The following CDH4 variants were observed in gnomAD, a reference collection of about 807,000 sequenced individuals.
CDH4 encodes cadherin-4.
A neutral mutation model predicts 86.0 loss-of-function variants in CDH4; 33 were observed. That is an observed-to-expected ratio of 0.38 (90% CI 0.29 to 0.51). CDH4 has a LOEUF of 0.51. CDH4 is among the 20% of genes least tolerant of loss of function. The pLI, the probability that CDH4 is intolerant of heterozygous loss-of-function variation, is 0.86. For missense variants in CDH4, 1,114 were observed against 1,307.4 expected (o/e 0.85, Z 2.28); for synonymous variants, 555 against 549.4 (o/e 1.01, Z -0.14).
chr20:61,418,576 A>G (rs573770730), intron 2 of CDH4, among the ~76,000 whole-genome samples: 5 of 152,110 alleles, frequency 3.3e-5, no homozygotes, highest in South Asian at 2.1e-4. Flanking sequence ...CTGATTTCCT[A>G]TCTATCAGAT....
intron 2 of CDH4, among the ~76,000 whole-genome samples, chr20:61,739,531 G>C (rs2088307773): frequency 6.6e-6 from 1 of 152,238 alleles, no homozygotes; most frequent in South Asian, 2.1e-4. Flanking sequence ...TTCCATGGGA[G>C]CCAACATCCC....
chr20:61,550,162 C>T (rs1301928134), intron 2 of CDH4, among the ~76,000 whole-genome samples: 11 of 148,332 alleles, frequency 7.4e-5, no homozygotes, highest in Admixed American at 7.4e-4. Flanking sequence ...GCCTCCCTGC[C>T]CCAACCTCAC....
At chr20:61,710,139 C>T (rs1028756755) in intron 2 of CDH4, among the ~76,000 whole-genome samples, 1 of 152,132 alleles carries the variant, frequency 6.6e-6, no homozygotes, top group Non-Finnish European at 1.5e-5. Context: ...CTGCATAGCC[C>T]TAGGCACTAT....
At chr20:61,323,085 G>C (rs1372377593) in intron 2 of CDH4, among the ~76,000 whole-genome samples, 1 of 152,118 alleles carries the variant, frequency 6.6e-6, no homozygotes, top group Admixed American at 6.6e-5. Context: ...TATACCCCTC[G>C]CCTCTCCAAA....
intron 2 of CDH4, among the ~76,000 whole-genome samples, chr20:61,658,932 G>T (rs1600848324): frequency 6.6e-6 from 1 of 152,232 alleles, no homozygotes; most frequent in East Asian, 1.9e-4. Flanking sequence ...TGAACCCTTA[G>T]ATCTCCCTAC....
intron 2 of CDH4, among the ~76,000 whole-genome samples, chr20:61,598,465 T>C (rs2086573287): frequency 6.6e-6 from 1 of 151,992 alleles, no homozygotes; most frequent in Admixed American, 6.5e-5. Context: ...CTGCTATCTG[T>C]GGCCTCAGCA....
At chr20:61,667,091 G>A (rs2087334250) in intron 2 of CDH4, among the ~76,000 whole-genome samples, 1 of 152,252 alleles carries the variant, frequency 6.6e-6, no homozygotes. Context: ...CAGGGTCCCT[G>A]TGGATGTGCT....
intron 2 of CDH4, among the ~76,000 whole-genome samples, chr20:61,656,094 T>C (rs996625738): frequency 6.6e-6 from 1 of 152,130 alleles, no homozygotes; most frequent in Admixed American, 6.5e-5. Flanking sequence ...GTGGATGACA[T>C]GAAGGTGGTT....
intron 2 of CDH4, among the ~76,000 whole-genome samples, chr20:61,680,203 C>A (rs541060684): frequency 6.6e-6 from 1 of 152,198 alleles, no homozygotes; most frequent in Non-Finnish European, 1.5e-5. Flanking sequence ...CCACCCCCTG[C>A]CCCTGTCCTC....
At chr20:61,491,988 G>C (rs11696692) in intron 2 of CDH4, among the ~76,000 whole-genome samples, 51,593 of 151,712 alleles carry the variant, frequency 0.34, 10,668 homozygotes, top group Admixed American at 0.48. Context: ...TATTGTTGAT[G>C]TTGGTGGTGT....
At chr20:61,677,948 T>C (rs916790305) in intron 2 of CDH4, among the ~76,000 whole-genome samples, 1 of 151,838 alleles carries the variant, frequency 6.6e-6, no homozygotes, top group Non-Finnish European at 1.5e-5. Context: ...TTTGGAGGAA[T>C]GGATGATAGA....
At chr20:61,307,879 A>G (rs2084425991) in intron 2 of CDH4, among the ~76,000 whole-genome samples, 2 of 152,182 alleles carry the variant, frequency 1.3e-5, no homozygotes, top group Admixed American at 1.3e-4. Flanking sequence ...CTGATCTCAC[A>G]TATCCTGCCT....
At chr20:61,650,814 T>C (rs775773704) in intron 2 of CDH4, among the ~76,000 whole-genome samples, 4 of 152,262 alleles carry the variant, frequency 2.6e-5, no homozygotes, top group Non-Finnish European at 5.9e-5. Flanking sequence ...AACAATTAGC[T>C]CCGTCTCTCT....
chr20:61,856,485 C>A (rs1983015891), intron 6 of CDH4, among the ~76,000 whole-genome samples: 1 of 150,720 alleles, frequency 6.6e-6, no homozygotes, highest in African/African-American at 2.4e-5. Flanking sequence ...TCTTCCCCAG[C>A]CCCCCAGGAT....
At chr20:61,857,826 T>G (rs1342412257) in intron 6 of CDH4, among the ~76,000 whole-genome samples, 1 of 152,250 alleles carries the variant, frequency 6.6e-6, no homozygotes, top group African/African-American at 2.4e-5. Flanking sequence ...CTGACCTTCG[T>G]ACCGGCCACA....
At chr20:61,654,243 C>T (rs925564260) in intron 2 of CDH4, among the ~76,000 whole-genome samples, 4 of 152,042 alleles carry the variant, frequency 2.6e-5, no homozygotes, top group African/African-American at 9.7e-5. Context: ...GCCAACACAG[C>T]GAAACCCCGT....
At chr20:61,933,747 C>T (rs963803839) in intron 14 of CDH4, among the ~76,000 whole-genome samples, 1 of 152,184 alleles carries the variant, frequency 6.6e-6, no homozygotes, top group African/African-American at 2.4e-5. Flanking sequence ...AGCTCCTGGC[C>T]CCCTGAGCAC....
In CDH4 at chr20:61,762,662, G is replaced by A. The variant is rs537777845; in HGVS notation, c.397-10341G>A. 1.2e-4 allele frequency among the ~76,000 whole-genome samples: 19 copies of A among 152,358 alleles called. No homozygotes were observed. The South Asian group carries it at 2.5e-3, about 20-fold the overall frequency. The stretch of plus-strand genomic sequence containing the variant: ...ACAATCCCCTCTGTGTCCTCTCACC[G>A]TTCCTTGACACTGGGTCTAGTTTAT... On this transcript the variant is annotated intron_variant, in intron 3 of 15. Coordinates refer to ENST00000614565, the MANE Select transcript of CDH4 (RefSeq NM_001794.5).
At chr20:61,748,710 G>GT (rs2088448782) in intron 3 of CDH4, among the ~76,000 whole-genome samples, 1 of 152,142 alleles carries the variant, frequency 6.6e-6, no homozygotes. Context: ...GATAGAAGTT[G>GT]TTTGCATTTT....
Sources: gnomAD v4.1 joint callset for allele counts (sites outside exome capture counted in the v4.1 genomes callset) on GRCh38, gnomAD v4.1.1 for gene constraint, MANE v1.5 for transcripts, NCBI Gene and HGNC (gene_info 2026-07-23, HGNC 2026-07-21) for gene names.